PXDNL: variants seen among roughly 807,000 people sequenced by gnomAD.
The protein encoded by PXDNL is peroxidasin like.
PXDNL carries 145 observed loss-of-function variants against 150.8 expected under a neutral mutation model. The ratio of observed to expected loss-of-function variants is 0.96; its 90% CI spans 0.84 to 1.10. PXDNL has a LOEUF of 1.10. PXDNL is among the 50% of genes least tolerant of loss of function. The pLI is 0.00. For synonymous variants in PXDNL, 757 were observed against 725.7 expected, an observed-to-expected ratio of 1.04 and a Z score of -0.69; for missense variants, 2,087 against 1,873.9, an observed-to-expected ratio of 1.11 and a Z score of -2.10.
At chr8:51,387,799 T>C (rs1208158300) in intron 17 of PXDNL, among the ~76,000 whole-genome samples, 5 of 152,222 alleles carry the variant, frequency 3.3e-5, no homozygotes, top group Non-Finnish European at 7.4e-5. Flanking sequence ...CATTTTGGTA[T>C]ACTCTGAGAT....
chr8:51,696,813 A>AGGTC (rs147045353), intron 1 of PXDNL, among the ~76,000 whole-genome samples: 1 of 135,078 alleles, frequency 7.4e-6, no homozygotes, highest in Non-Finnish European at 1.6e-5. Context: ...CTTCACACAC[A>AGGTC]CACACACACA....
intron 12 of PXDNL, among the ~76,000 whole-genome samples, chr8:51,442,445 T>A (rs1473915696): frequency 6.6e-6 from 1 of 151,886 alleles, no homozygotes; most frequent in Non-Finnish European, 1.5e-5. Context: ...TGTTCCTTTC[T>A]TTATGAAAAT....
At chr8:51,402,951 G>C (rs1294006189) in intron 17 of PXDNL, among the ~76,000 whole-genome samples, 1 of 151,338 alleles carries the variant, frequency 6.6e-6, no homozygotes, top group African/African-American at 2.4e-5. Flanking sequence ...TTAGCCGGGC[G>C]AGGTGGCCGG....
At chr8:51,780,813 C>G (rs1020050280) in intron 1 of PXDNL, among the ~76,000 whole-genome samples, 1 of 152,010 alleles carries the variant, frequency 6.6e-6, no homozygotes, top group Non-Finnish European at 1.5e-5. Context: ...GTGTGCACAA[C>G]CATGCCTGGC....
At chr8:51,705,528 G>A (rs1816358403) in intron 1 of PXDNL, among the ~76,000 whole-genome samples, 2 of 152,212 alleles carry the variant, frequency 1.3e-5, no homozygotes, top group South Asian at 4.1e-4. Context: ...GGAGAAGAAG[G>A]AGAAAGAGTA....
At chr8:51,394,934 A>G (rs10096916) in intron 17 of PXDNL, among the ~76,000 whole-genome samples, 68 of 151,836 alleles carry the variant, frequency 4.5e-4, no homozygotes, top group Middle Eastern at 3.4e-3. Context: ...ACTGTCCTAG[A>G]CATGTGGTAC....
intron 1 of PXDNL, among the ~76,000 whole-genome samples, chr8:51,668,544 G>A (rs1312247579): frequency 2.0e-5 from 3 of 152,100 alleles, no homozygotes; most frequent in Middle Eastern, 3.4e-3. Flanking sequence ...ACTCTTACGA[G>A]AAGGATTTTG....
intron 19 of PXDNL, among the ~76,000 whole-genome samples, chr8:51,371,145 C>G (rs566116893): frequency 6.6e-6 from 1 of 152,310 alleles, no homozygotes; most frequent in East Asian, 1.9e-4. Flanking sequence ...ATGTTCTGCT[C>G]CAGAATCATC....
At chr8:51,655,851 G>A (rs1815137995) in intron 1 of PXDNL, among the ~76,000 whole-genome samples, 1 of 152,098 alleles carries the variant, frequency 6.6e-6, no homozygotes, top group Non-Finnish European at 1.5e-5. Context: ...TAGGAATAAA[G>A]GCCCAGCAGA....
At chr8:51,647,598 G>C (rs1467346906) in intron 2 of PXDNL, among the ~76,000 whole-genome samples, 3 of 152,222 alleles carry the variant, frequency 2.0e-5, no homozygotes, top group African/African-American at 7.2e-5. Context: ...AGAGATGGTA[G>C]TATATGAGGG....
At chr8:51,538,488 G>A (rs187066470) in intron 4 of PXDNL, among the ~76,000 whole-genome samples, 4 of 152,144 alleles carry the variant, frequency 2.6e-5, no homozygotes, top group East Asian at 1.9e-4. Flanking sequence ...TAAATCGGCC[G>A]GGTGCAGTGG....
At chr8:51,377,567 C>G (rs531281364) in intron 17 of PXDNL, among the ~76,000 whole-genome samples, 1 of 152,224 alleles carries the variant, frequency 6.6e-6, no homozygotes, top group South Asian at 2.1e-4. Flanking sequence ...TGCGGGCCAG[C>G]GCGAGTTCCG....
intron 3 of PXDNL, among the ~76,000 whole-genome samples, chr8:51,573,311 T>C (rs1280630776): frequency 3.3e-5 from 5 of 151,864 alleles, no homozygotes; most frequent in African/African-American, 1.2e-4. Flanking sequence ...ATGGTGATAA[T>C]AATGAAACCC....
At chr8:51,592,506 A>C (rs1014869108) in intron 3 of PXDNL, 121 bp downstream of exon 3, 1 of 633,338 alleles carries the variant, frequency 1.6e-6, no homozygotes, top group Admixed American at 3.3e-5. Flanking sequence ...GTTTTATATA[A>C]AGGTTGAAAC....
intron 1 of PXDNL, among the ~76,000 whole-genome samples, chr8:51,801,009 C>T (rs182843603): frequency 3.5e-4 from 53 of 152,238 alleles, no homozygotes; most frequent in African/African-American, 9.4e-4. Flanking sequence ...TGACTGCCTG[C>T]GGGGTTGGGC....
At chr8:51,652,846 C>T (rs996367637) in intron 2 of PXDNL, among the ~76,000 whole-genome samples, 1 of 152,058 alleles carries the variant, frequency 6.6e-6, no homozygotes, top group Non-Finnish European at 1.5e-5. Flanking sequence ...TTAATATTAT[C>T]CATGGTTTCT....
chr8:51,434,132 C>T (rs1809329831), intron 12 of PXDNL, among the ~76,000 whole-genome samples: 1 of 152,136 alleles, frequency 6.6e-6, no homozygotes, highest in South Asian at 2.1e-4. Context: ...TTACTTAGCT[C>T]CTATCCATGA....
At chr8:51,656,600 T>C (rs1006145606) in intron 1 of PXDNL, among the ~76,000 whole-genome samples, 3 of 152,184 alleles carry the variant, frequency 2.0e-5, no homozygotes, top group African/African-American at 7.2e-5. Context: ...CAAAATGAGA[T>C]TCCAATACAA....
rs946042410 is a variant in PXDNL at position 51,513,821 on chromosome 8, A to G, written c.381-14051T>C. 4.6e-5 allele frequency among the ~76,000 whole-genome samples: 7 copies of G among 152,214 alleles called. No homozygotes were observed. In the South Asian group the frequency reaches 8.3e-4, roughly 18 times the overall value. ...ACTATAAAATTCTACAATGTTCTAA[A>G]TATTCTGGCCTGGAAGACTCTCCCA... On this transcript the variant is annotated intron_variant, in intron 4 of 22. Transcript: ENST00000356297.
Sources: gnomAD v4.1 joint callset for allele counts (sites outside exome capture counted in the v4.1 genomes callset) on GRCh38, gnomAD v4.1.1 for gene constraint, MANE v1.5 for transcripts, NCBI Gene and HGNC (gene_info 2026-07-23, HGNC 2026-07-21) for gene names.